Variants in NDC1 observed in about 807,000 individuals in gnomAD.
NDC1 encodes the protein nucleoporin NDC1.
Under a neutral mutation model 89.8 loss-of-function variants are expected in NDC1, and 24 were observed. That is an observed-to-expected ratio of 0.27 (90% confidence interval 0.19 to 0.38). The LOEUF is 0.38. NDC1 is among the 10% of genes least tolerant of loss of function. The pLI, the probability that NDC1 is intolerant of heterozygous loss-of-function variation, is 1.00. For synonymous variants in NDC1, 296 were observed against 284.8 expected (o/e 1.04, Z -0.39); for missense variants, 728 against 797.6 (o/e 0.91, Z 1.05).
chr1:53,789,047 A>C (rs1474143433), intron 15 of NDC1, 86 bp downstream of exon 15: 6 of 851,518 alleles, frequency 7.0e-6, no homozygotes, highest in Middle Eastern at 3.1e-4. Context: ...ACTGAAATCA[A>C]GGACCAGAAC....
intron 17 of NDC1, 23 bp from the exon 18 acceptor site, chr1:53,768,056 G>A: frequency 6.4e-7 from 1 of 1,563,156 alleles, no homozygotes; most frequent in Non-Finnish European, 8.7e-7. Flanking sequence ...TAAATTCAAA[G>A]CATAAGCTTT....
At chr1:53,796,622 T>A in intron 13 of NDC1, 67 bp downstream of exon 13, 6 of 820,866 alleles carry the variant, frequency 7.3e-6, no homozygotes, top group Non-Finnish European at 1.1e-5. Context: ...GATGACTTAC[T>A]CATGTGAGAT....
intron 14 of NDC1, among the ~76,000 whole-genome samples, chr1:53,790,650 T>C (rs1162067203): frequency 1.3e-5 from 2 of 152,018 alleles, no homozygotes; most frequent in African/African-American, 2.4e-5. Flanking sequence ...GAGGTTGCAG[T>C]GAGTCGAGAT....
chr1:53,769,072 A>G (rs1431450350), intron 17 of NDC1, among the ~76,000 whole-genome samples: 1 of 152,202 alleles, frequency 6.6e-6, no homozygotes, highest in African/African-American at 2.4e-5. Flanking sequence ...CAACACTGAG[A>G]GGCCTGAGGC....
intron 16 of NDC1, among the ~76,000 whole-genome samples, chr1:53,782,624 C>T (rs951214749): frequency 6.6e-6 from 1 of 152,172 alleles, no homozygotes; most frequent in Non-Finnish European, 1.5e-5. Context: ...AGGGCTCTTA[C>T]ATTGGGTCCA....
At position 53,814,568 on chromosome 1, in the gene NDC1, C is replaced by T. The variant is rs183708817; in HGVS notation, c.703+4403G>A. On this transcript the variant is annotated intron_variant, in intron 6 of 17. Transcript: ENST00000371429. ...GAGAAATAACAAATCAAACCCAAAC[C>T]CAGCTGAAAAAAGGAAATAACTGAG... 2.5e-4 allele frequency among the ~76,000 whole-genome samples: 38 copies of T among 151,828 alleles called. No homozygotes were observed. In the East Asian group the frequency reaches 7.0e-3, roughly 28 times the overall value.
intron 15 of NDC1, among the ~76,000 whole-genome samples, chr1:53,787,670 T>C: frequency 6.8e-6 from 1 of 147,710 alleles, no homozygotes; most frequent in East Asian, 2.0e-4. Context: ...AATAGATAAA[T>C]AAATAAATAA....
intron 16 of NDC1, among the ~76,000 whole-genome samples, chr1:53,781,103 G>T (rs1292266519): frequency 6.6e-6 from 1 of 151,888 alleles, no homozygotes; most frequent in East Asian, 1.9e-4. Flanking sequence ...CTATCCTCCT[G>T]CCTCAGCCTC....
chr1:53,818,506 T>C (rs1648554123), intron 6 of NDC1, among the ~76,000 whole-genome samples: 1 of 152,210 alleles, frequency 6.6e-6, no homozygotes, highest in African/African-American at 2.4e-5. Flanking sequence ...TGCACATTTT[T>C]GTGCAACAGA....
At chr1:53,836,064 A>G (rs1034059386) in intron 1 of NDC1, among the ~76,000 whole-genome samples, 2 of 152,202 alleles carry the variant, frequency 1.3e-5, no homozygotes, top group East Asian at 3.8e-4. Context: ...GCCCGTATCT[A>G]TCATATAGGA....
chr1:53,798,419 G>A (rs997126614), intron 11 of NDC1, among the ~76,000 whole-genome samples: 4 of 151,314 alleles, frequency 2.6e-5, no homozygotes, highest in Admixed American at 1.3e-4. Context: ...CGCCCACCTC[G>A]GCCTCCCAAA....
intron 5 of NDC1, among the ~76,000 whole-genome samples, chr1:53,822,778 A>T (rs1462505615): frequency 6.6e-6 from 1 of 152,138 alleles, no homozygotes; most frequent in African/African-American, 2.4e-5. Context: ...GGCAAAAAAT[A>T]AATAAATAAA....
chr1:53,788,998 A>G (rs1313788297), intron 15 of NDC1, 135 bp downstream of exon 15: 1 of 640,696 alleles, frequency 1.6e-6, no homozygotes, highest in East Asian at 3.0e-5. Flanking sequence ...AATGATCTAT[A>G]TAAAACAAAG....
intron 11 of NDC1, 60 bp downstream of exon 11, chr1:53,800,633 T>A: frequency 6.3e-7 from 1 of 1,585,690 alleles, no homozygotes; most frequent in Non-Finnish European, 8.7e-7. Flanking sequence ...TCTACTACAG[T>A]CATCTTTCTT....
At chr1:53,789,296 G>A in intron 14 of NDC1, 100 bp from the exon 15 acceptor site, 1 of 650,276 alleles carries the variant, frequency 1.5e-6, no homozygotes, top group Non-Finnish European at 2.7e-6. Flanking sequence ...AAAATTCACA[G>A]CTGCCTCTCA....
chr1:53,805,144 A>G (rs1445153572), intron 9 of NDC1, among the ~76,000 whole-genome samples: 1 of 152,196 alleles, frequency 6.6e-6, no homozygotes, highest in Non-Finnish European at 1.5e-5. Context: ...TAAATTCTTT[A>G]GAGTGTGATC....
intron 6 of NDC1, among the ~76,000 whole-genome samples, chr1:53,813,607 C>T (rs1648383749): frequency 6.6e-6 from 1 of 152,164 alleles, no homozygotes; most frequent in Admixed American, 6.5e-5. Context: ...ATGCATCTAA[C>T]ATTGGAGCTC....
intron 6 of NDC1, among the ~76,000 whole-genome samples, chr1:53,810,158 G>C (rs1012729056): frequency 6.6e-6 from 1 of 152,102 alleles, no homozygotes; most frequent in African/African-American, 2.4e-5. Flanking sequence ...TGGTCACTTG[G>C]ATCTGTTATT....
At chr1:53,787,310 A>AT (rs1647337415) in intron 15 of NDC1, 52 bp from the exon 16 acceptor site, 4 of 962,840 alleles carry the variant, frequency 4.2e-6, no homozygotes, top group Non-Finnish European at 6.5e-6. Flanking sequence ...AGGCAAAACT[A>AT]TTTGAAATAC....
Sources: gnomAD v4.1 joint callset for allele counts (sites outside exome capture counted in the v4.1 genomes callset) on GRCh38, gnomAD v4.1.1 for gene constraint, MANE v1.5 for transcripts, NCBI Gene and HGNC (gene_info 2026-07-23, HGNC 2026-07-21) for gene names.